Variants in CNTNAP2 observed in about 807,000 individuals in gnomAD.
The protein encoded by CNTNAP2 is contactin associated protein 2.
Under a neutral mutation model 155.2 loss-of-function variants are expected in CNTNAP2, and 98 were observed. That is an observed-to-expected ratio of 0.63 (90% CI 0.54 to 0.75). The LOEUF is 0.75. Ranked by LOEUF, CNTNAP2 falls within the 30% of genes least tolerant of loss-of-function variation. The pLI is 0.00. For synonymous variants in CNTNAP2, 651 were observed against 631.2 expected (o/e 1.03, Z -0.47); for missense variants, 1,727 against 1,688.1 (o/e 1.02, Z -0.40).
intron 1 of CNTNAP2, among the ~76,000 whole-genome samples, chr7:146,195,432 T>C (rs770224051): frequency 2.0e-4 from 30 of 152,310 alleles, no homozygotes; most frequent in Non-Finnish European, 3.7e-4. Flanking sequence ...CAGTTTAAAA[T>C]TGCTTTCATT....
At chr7:147,711,648 T>C (rs1349375183) in intron 13 of CNTNAP2, among the ~76,000 whole-genome samples, 1 of 152,136 alleles carries the variant, frequency 6.6e-6, no homozygotes, top group East Asian at 1.9e-4. Context: ...ACAAAATGTC[T>C]CATGACCAGA....
intron 3 of CNTNAP2, among the ~76,000 whole-genome samples, chr7:146,968,900 G>A (rs1308937082): frequency 2.7e-5 from 4 of 145,518 alleles, no homozygotes; most frequent in African/African-American, 1.0e-4. Flanking sequence ...TAATTGTGAT[G>A]TTAGGGTGTC....
At chr7:148,001,358 G>A (rs715183) in intron 15 of CNTNAP2, among the ~76,000 whole-genome samples, 44,819 of 152,040 alleles carry the variant, frequency 0.29, 6,905 homozygotes, top group East Asian at 0.5. Flanking sequence ...ACACTGCGTC[G>A]AACAGATTTG....
intron 16 of CNTNAP2, among the ~76,000 whole-genome samples, chr7:148,146,656 G>A (rs2972126): frequency 0.27 from 41,027 of 152,066 alleles, 5,716 homozygotes; most frequent in East Asian, 0.34. Flanking sequence ...GACGATGTAC[G>A]ACAGGGATTA....
intron 1 of CNTNAP2, among the ~76,000 whole-genome samples, chr7:146,446,796 T>A (rs1413914518): frequency 6.6e-6 from 1 of 152,102 alleles, no homozygotes; most frequent in Non-Finnish European, 1.5e-5. Flanking sequence ...CTATGAGTCC[T>A]GCCCTACCTC....
intron 15 of CNTNAP2, among the ~76,000 whole-genome samples, chr7:148,080,136 G>A (rs1441294719): frequency 2.0e-5 from 3 of 152,178 alleles, no homozygotes; most frequent in Non-Finnish European, 4.4e-5. Flanking sequence ...GAGTAAAGAT[G>A]ACATAGTGGG....
Position 147,396,048 on chromosome 7 carries a change from T to C in CNTNAP2, c.1670+268T>C, listed in dbSNP as rs145682069. Among the ~76,000 whole-genome samples, 107 of 148,034 alleles carry C rather than the reference T, an allele frequency of 7.2e-4. 2 individuals are homozygous for C. Among genetic ancestry groups the C allele is most frequent in the African/African-American group, 2.6e-3 (104 of 40,772 alleles). On this transcript the variant is annotated intron_variant, in intron 10 of 23. Coordinates refer to ENST00000361727, the MANE Select transcript of CNTNAP2 (RefSeq NM_014141.6). ...TATGAGATATATCCTATATGTGCTA[T>C]ATGAGATATATCATATATAACATAT...
chr7:147,588,704 AAAAG>A (rs1358304321), intron 12 of CNTNAP2, among the ~76,000 whole-genome samples: 2 of 152,196 alleles, frequency 1.3e-5, no homozygotes, highest in Non-Finnish European at 2.9e-5. Context: ...GCCTGATGCC[AAAAG>A]AGAGGCATCT....
At chr7:147,895,301 A>G (rs1456221621) in intron 13 of CNTNAP2, among the ~76,000 whole-genome samples, 1 of 151,936 alleles carries the variant, frequency 6.6e-6, no homozygotes, top group Non-Finnish European at 1.5e-5. Flanking sequence ...AAGTCTTGGA[A>G]AACTCCTTTC....
In CNTNAP2 at chr7:146,844,593, C is replaced by A. The variant is rs184060850; in HGVS notation, c.402+4689C>A. On this transcript the variant is annotated intron_variant, in intron 3 of 23. Transcript: ENST00000361727. The stretch of plus-strand genomic sequence containing the variant: ...TATATTAAATAAGAATTCCAGCAGG[C>A]TTTTGCTAAGAGGCCTGTTTTGCTT... Among the ~76,000 whole-genome samples, 4 of 152,178 alleles carry A rather than the reference C, an allele frequency of 2.6e-5. No homozygotes were observed. In the East Asian group the frequency reaches 7.7e-4, roughly 29 times the overall value.
intron 9 of CNTNAP2, among the ~76,000 whole-genome samples, chr7:147,373,282 C>G (rs994753196): frequency 3.3e-5 from 5 of 151,774 alleles, no homozygotes; most frequent in Non-Finnish European, 5.9e-5. Flanking sequence ...TTCAAAATGG[C>G]CAGTTTCAAG....
intron 1 of CNTNAP2, among the ~76,000 whole-genome samples, chr7:146,629,860 G>T (rs1444350997): frequency 1.3e-5 from 2 of 152,140 alleles, no homozygotes; most frequent in African/African-American, 4.8e-5. Context: ...ATACGGTGAT[G>T]ATGAGTTCAT....
At chr7:147,671,713 A>G (rs1795790012) in intron 13 of CNTNAP2, 1 of 152,210 alleles carries the variant, frequency 6.6e-6, no homozygotes, top group African/African-American at 2.4e-5. Context: ...CAAGTACTCT[A>G]ACCTCAAGGT....
chr7:148,102,309 C>A (rs1307106080), intron 15 of CNTNAP2, among the ~76,000 whole-genome samples: 1 of 152,176 alleles, frequency 6.6e-6, no homozygotes, highest in African/African-American at 2.4e-5. Context: ...TGATCTCATT[C>A]TTTTTTATGG....
chr7:148,074,306 A>G (rs573819684), intron 15 of CNTNAP2, among the ~76,000 whole-genome samples: 3 of 152,308 alleles, frequency 2.0e-5, no homozygotes, highest in South Asian at 4.1e-4. Flanking sequence ...AGTGGACTAC[A>G]AAGATTAATA....
rs1248898554 is a variant in CNTNAP2, at chr7:148,376,471, A to G, written c.3476-7178A>G. ...GGGGTTCAAGGGTACAGCGAGGCCT[A>G]TGATCACACCGCTGCATTCCTGCCT... On this transcript the variant is annotated intron_variant, in intron 21 of 23. Transcript: ENST00000361727. Among the ~76,000 whole-genome samples, 2 of 67,294 alleles carry G rather than the reference A, an allele frequency of 3.0e-5. 1 individual carries two copies. Among genetic ancestry groups the G allele is most frequent in the Non-Finnish European group, 8.3e-5 (2 of 24,062 alleles). The allele number at this position is 67,294 out of a possible 152,430, so 44.1% of individuals were successfully genotyped here.
intron 13 of CNTNAP2, among the ~76,000 whole-genome samples, chr7:147,759,246 C>T (rs892000780): frequency 5.9e-5 from 9 of 152,106 alleles, no homozygotes; most frequent in Non-Finnish European, 1.2e-4. Flanking sequence ...AAATAGTAAT[C>T]CATTTTAAAT....
chr7:147,364,834 G>A lies in CNTNAP2; in HGVS notation c.1499-30775G>A, dbSNP rs142726357. 6.3e-3 allele frequency among the ~76,000 whole-genome samples: 950 copies of A among 151,326 alleles called. 10 individuals are homozygous for A. The highest frequency in any genetic ancestry group is 0.022 in the African/African-American group (895 of 41,170). ...ACTGCACTCCAGCCTGGGCGACGGA[G>A]TGAGACTCAGTCTCGGGAAAAAAAA... On this transcript the variant is annotated intron_variant, in intron 9 of 23. Transcript: ENST00000361727.
intron 1 of CNTNAP2, among the ~76,000 whole-genome samples, chr7:146,489,029 A>G (rs1186716813): frequency 5.9e-5 from 9 of 152,230 alleles, no homozygotes; most frequent in African/African-American, 2.2e-4. Flanking sequence ...CTGGCACAGC[A>G]GAAAAGACTG....
Sources: gnomAD v4.1 joint callset for allele counts (sites outside exome capture counted in the v4.1 genomes callset) on GRCh38, gnomAD v4.1.1 for gene constraint, MANE v1.5 for transcripts, NCBI Gene and HGNC (gene_info 2026-07-23, HGNC 2026-07-21) for gene names.